The following GPLD1 variants were observed in gnomAD, a reference collection of about 807,000 sequenced individuals.
GPLD1 encodes phosphatidylinositol-glycan-specific phospholipase D.
In GPLD1, 84 loss-of-function variants were observed where a neutral mutation model predicts 112.6. The ratio of observed to expected loss-of-function variants is 0.75; its 90% CI spans 0.63 to 0.89. The LOEUF (loss-of-function observed/expected upper bound fraction) is 0.89. Ranked by LOEUF, GPLD1 falls within the 40% of genes least tolerant of loss-of-function variation. GPLD1 has a pLI of 0.00. For missense variants in GPLD1, 1,044 were observed against 1,051.5 expected (o/e 0.99, Z 0.10); for synonymous variants, 386 against 403.8 (o/e 0.96, Z 0.53).
chr6:24,475,077 G>A lies in GPLD1; in HGVS notation c.441+44C>T, dbSNP rs373137095. On this transcript the variant is annotated intron_variant, in intron 5 of 24. Coordinates refer to ENST00000230036, the MANE Select transcript of GPLD1 (RefSeq NM_001503.4). ...TCAGGTTTTGATCTTAGGTGAGACA[G>A]TATCACTCCCATAAAGTCATTCCCC... The A allele has an allele frequency of 4.4e-4, 424 of 961,158 alleles. 1 individual carries two copies. Among genetic ancestry groups the A allele is most frequent in the Non-Finnish European group, 6.4e-4 (377 of 585,042 alleles). 59.5% of individuals were successfully genotyped at this position (961,158 alleles called of 1,614,324 possible).
upstream of GPLD1, chr6:24,489,606 C>T: frequency 6.4e-7 from 1 of 1,566,254 alleles, no homozygotes; most frequent in Non-Finnish European, 8.6e-7. Context: ...CCCACCGCTT[C>T]TCTCTAAGCA....
At chr6:24,435,081 G>A (rs564756430) in intron 22 of GPLD1, among the ~76,000 whole-genome samples, 8 of 146,582 alleles carry the variant, frequency 5.5e-5, no homozygotes, top group Non-Finnish European at 1.2e-4. Flanking sequence ...GCATGATCTC[G>A]ACTCACTGCA....
At chr6:24,493,606 C>T (rs1047112525), upstream of GPLD1, among the ~76,000 whole-genome samples, 1 of 152,224 alleles carries the variant, frequency 6.6e-6, no homozygotes, top group Non-Finnish European at 1.5e-5. Flanking sequence ...TACCTACTGG[C>T]CCACATCCCT....
intron 20 of GPLD1, among the ~76,000 whole-genome samples, chr6:24,439,621 C>T (rs1040712633): frequency 1.3e-5 from 2 of 152,046 alleles, no homozygotes; most frequent in Admixed American, 6.6e-5. Flanking sequence ...TTCAAAACAC[C>T]TCACCTTCTC....
At chr6:24,462,953 G>C (rs1024686375) in intron 10 of GPLD1, among the ~76,000 whole-genome samples, 158 bp from the exon 11 acceptor site, 1 of 152,312 alleles carries the variant, frequency 6.6e-6, no homozygotes, top group African/African-American at 2.4e-5. Context: ...CTCCCAGAGA[G>C]GGTGGGTAGG....
At chr6:24,453,589 T>C (rs1212702667) in intron 14 of GPLD1, among the ~76,000 whole-genome samples, 1 of 152,030 alleles carries the variant, frequency 6.6e-6, no homozygotes, top group Admixed American at 6.6e-5. Flanking sequence ...TGAGCAGAGA[T>C]TGCACCACTG....
rs1003334719 is a variant in GPLD1 at position 24,485,674 on chromosome 6, C to CT, written c.153+400dup. Among the ~76,000 whole-genome samples, 47 of 149,300 alleles carry CT rather than the reference C, an allele frequency of 3.1e-4. 1 individual carries two copies. The highest frequency in any genetic ancestry group is 7.0e-3 in the Middle Eastern group (2 of 286). On this transcript the variant is annotated intron_variant, in intron 2 of 24. Coordinates refer to ENST00000230036, the MANE Select transcript of GPLD1 (RefSeq NM_001503.4). ...ACATAAAGAAATAAATAATGAGTCTCTTTTTTTTTTTTGAGACGGAGTTTC... is the reference window on the plus strand; with the variant it reads ...ACATAAAGAAATAAATAATGAGTCTCTTTTTTTTTTTTTGAGACGGAGTTTC...
upstream of GPLD1, among the ~76,000 whole-genome samples, chr6:24,494,302 T>C (rs1250231735): frequency 1.3e-5 from 2 of 152,176 alleles, no homozygotes; most frequent in African/African-American, 4.8e-5. Context: ...GGTTAACCTG[T>C]CGGTCACACA....
chr6:24,425,491 T>C (rs897993294), downstream of GPLD1: 3 of 152,258 alleles, frequency 2.0e-5, no homozygotes, highest in East Asian at 3.8e-4. Context: ...TTAAATCAAG[T>C]ATGATTTCAA....
At chr6:24,495,275 C>CGG, upstream of GPLD1, 1 of 1,532,606 alleles carries the variant, frequency 6.5e-7, no homozygotes, top group Non-Finnish European at 8.7e-7. Flanking sequence ...TAGCCGACTG[C>CGG]GGGGTGCGAG....
In GPLD1 at chr6:24,429,099, G is replaced by A. The variant is rs1346164536; in HGVS notation, c.2456C>T (p.Ala819Val). Residue 819 changes from alanine (A) to valine (V), a missense_variant, in exon 25 of 25, where the codon GCT becomes GTT. Coordinates refer to ENST00000230036, the MANE Select transcript of GPLD1 (RefSeq NM_001503.4). ...TCGGGCTCCCAAAGAACTCCTTCCA[G>A]CAGCAATGACGACTTGGTTCTGTAA... is the stretch of plus-strand genomic sequence containing the variant. Reference protein sequence around the residue: ...SKAKNQVVIAAGRSSLGARLS... With the variant: ...SKAKNQVVIAVGRSSLGARLS... The A allele has an allele frequency of 1.9e-6, 3 of 1,612,980 alleles. No homozygotes were observed. Among genetic ancestry groups the A allele is most frequent in the Non-Finnish European group, 2.5e-6 (3 of 1,179,138 alleles).
intron 10 of GPLD1, among the ~76,000 whole-genome samples, chr6:24,465,310 C>T (rs1763569217): frequency 6.6e-6 from 1 of 151,206 alleles, no homozygotes; most frequent in African/African-American, 2.4e-5. Flanking sequence ...GAGTCTGAGG[C>T]GGGTGGATCA....
chr6:24,440,500 G>C (rs1412954699), intron 20 of GPLD1, among the ~76,000 whole-genome samples: 1 of 149,732 alleles, frequency 6.7e-6, no homozygotes, highest in Non-Finnish European at 1.5e-5. Context: ...CCAGCTTTCA[G>C]GATTACTGCA....
At position 24,472,773 on chromosome 6, in the gene GPLD1, G is replaced by A. The variant is rs1763866618; in HGVS notation, c.491-137C>T. ...GTTTTTGTTCATTGTTTTAGGTAAA[G>A]GCATGCCTTTTTTTTTTTTTAGACG... is the stretch of plus-strand genomic sequence containing the variant. On this transcript the variant is annotated intron_variant, in intron 6 of 24. Coordinates refer to ENST00000230036, the MANE Select transcript of GPLD1 (RefSeq NM_001503.4). The A allele has an allele frequency of 4.9e-6, 3 of 610,868 alleles. No individual in the cohort carries two copies. The Admixed American group carries it at 8.4e-5, about 17-fold the overall frequency. The allele number at this position is 610,868 out of a possible 1,614,324, so 37.8% of individuals were successfully genotyped here. A position where few individuals can be genotyped will look rare whatever the true frequency, so the allele number is the denominator to read the frequency against.
chr6:24,440,978 A>G (rs549490375), intron 20 of GPLD1, among the ~76,000 whole-genome samples: 2 of 152,268 alleles, frequency 1.3e-5, no homozygotes, highest in South Asian at 4.1e-4. Flanking sequence ...CACAGATACC[A>G]AAATCCACGG....
chr6:24,440,379 G>A (rs1762706793), intron 20 of GPLD1, among the ~76,000 whole-genome samples: 2 of 152,066 alleles, frequency 1.3e-5, no homozygotes, highest in Non-Finnish European at 2.9e-5. Flanking sequence ...AGGTGTTCAA[G>A]GTAACAGTGA....
At position 24,471,810 on chromosome 6, in the gene GPLD1, C is replaced by T. The variant is rs557985016; in HGVS notation, c.545+772G>A. On this transcript the variant is annotated intron_variant, in intron 7 of 24. Coordinates refer to ENST00000230036, the MANE Select transcript of GPLD1 (RefSeq NM_001503.4). Reference sequence around the variant, plus strand: ...TCATAGCTCACTGAAGCCTCAAACTCCTGTGCTCAAGTGATCCTCCCACCT... The same window carrying T: ...TCATAGCTCACTGAAGCCTCAAACTTCTGTGCTCAAGTGATCCTCCCACCT... Among the ~76,000 whole-genome samples, 413 of 152,278 alleles carry T rather than the reference C, an allele frequency of 2.7e-3. 13 individuals carry two copies. The highest frequency in any genetic ancestry group is 9.3e-4 in the Non-Finnish European group (63 of 68,034).
At chr6:24,439,496 G>A (rs1037254810) in intron 20 of GPLD1, among the ~76,000 whole-genome samples, 13 of 152,116 alleles carry the variant, frequency 8.5e-5, no homozygotes, top group African/African-American at 2.4e-4. Flanking sequence ...TCTCTAACAC[G>A]CATCACAGTC....
intron 2 of GPLD1, among the ~76,000 whole-genome samples, chr6:24,481,872 G>A (rs1013041368): frequency 1.3e-5 from 2 of 152,114 alleles, no homozygotes; most frequent in African/African-American, 4.8e-5. Context: ...CTTAAAAATA[G>A]TAATTAACTT....
Sources: allele counts gnomAD v4.1 joint callset (sites outside exome capture counted in the v4.1 genomes callset), GRCh38; gene constraint gnomAD v4.1.1; transcripts MANE v1.5; gene names NCBI Gene and HGNC (gene_info 2026-07-23, HGNC 2026-07-21).